ABCB1: variants seen among roughly 807,000 people sequenced by gnomAD.
ABCB1 encodes ATP-dependent translocase ABCB1.
Under a neutral mutation model 142.0 loss-of-function variants are expected in ABCB1, and 69 were observed. That is an observed-to-expected ratio of 0.49 (90% CI 0.40 to 0.59). ABCB1 has a LOEUF of 0.59. ABCB1 is among the 20% of genes least tolerant of loss of function. The pLI is 0.00. For missense variants in ABCB1, 1,326 were observed against 1,554.7 expected (o/e 0.85, Z 2.47); for synonymous variants, 532 against 539.2 (o/e 0.99, Z 0.18).
intron 1 of ABCB1, among the ~76,000 whole-genome samples, chr7:87,691,074 T>G (rs1249060993): frequency 6.6e-6 from 1 of 152,126 alleles, no homozygotes; most frequent in Non-Finnish European, 1.5e-5. Flanking sequence ...AAAACAAAGT[T>G]GGAACATGGC....
upstream of ABCB1, among the ~76,000 whole-genome samples, chr7:87,601,946 A>AT (rs1819471400): frequency 6.6e-6 from 1 of 152,156 alleles, no homozygotes; most frequent in Non-Finnish European, 1.5e-5. Flanking sequence ...TTATCTTGAT[A>AT]TATTTTGTTC....
At chr7:87,522,987 T>C (rs956905232) in intron 21 of ABCB1, among the ~76,000 whole-genome samples, 1 of 152,234 alleles carries the variant, frequency 6.6e-6, no homozygotes, top group Non-Finnish European at 1.5e-5. Context: ...AGGTTTTCAA[T>C]TCCTTTTTTA....
chr7:87,589,578 G>C (rs1486385499), intron 3 of ABCB1, among the ~76,000 whole-genome samples: 2 of 152,032 alleles, frequency 1.3e-5, no homozygotes, highest in African/African-American at 2.4e-5. Flanking sequence ...TTGAGCCCAG[G>C]AGTTTGGTAC....
chr7:87,619,566 C>A (rs1241302665), intron 1 of ABCB1, among the ~76,000 whole-genome samples: 1 of 150,146 alleles, frequency 6.7e-6, no homozygotes, highest in Non-Finnish European at 1.5e-5. Context: ...GTAAACTTGA[C>A]AAATATCTGA....
rs773787434 is a variant in ABCB1, at chr7:87,553,977, CAT to C, written c.828-47_828-46del. 6.0e-5 allele frequency: 93 copies of C among 1,546,632 alleles called. No individual in the cohort carries two copies. In the African/African-American group the frequency reaches 1.1e-3, roughly 19 times the overall value. Reference sequence around the variant, plus strand: ...TGATCACATATACATTTTATGAAAACATGTCGATATAGCATGATAGTTACAGA... The same window carrying C: ...TGATCACATATACATTTTATGAAAACGTCGATATAGCATGATAGTTACAGA... On this transcript the variant is annotated intron_variant, in intron 8 of 27. Transcript: ENST00000622132.
At chr7:87,601,195 T>C (rs909257612), upstream of ABCB1, 6 of 152,140 alleles carry the variant, frequency 3.9e-5, no homozygotes, top group Admixed American at 2.6e-4. Context: ...CTACAGGACG[T>C]AGTTAAGGGA....
intron 2 of ABCB1, among the ~76,000 whole-genome samples, chr7:87,598,670 G>A (rs1415818035): frequency 6.6e-6 from 1 of 152,072 alleles, no homozygotes; most frequent in Non-Finnish European, 1.5e-5. Context: ...CTTTCTTTCA[G>A]TTTCCCTTCT....
intron 1 of ABCB1, among the ~76,000 whole-genome samples, chr7:87,613,212 G>T (rs940635620): frequency 6.9e-6 from 1 of 144,824 alleles, no homozygotes; most frequent in Non-Finnish European, 1.5e-5. Flanking sequence ...TATCATTGAT[G>T]AGATAATTTG....
intron 3 of ABCB1, among the ~76,000 whole-genome samples, chr7:87,588,232 C>G (rs867693722): frequency 2.6e-5 from 4 of 151,434 alleles, no homozygotes; most frequent in Non-Finnish European, 5.9e-5. Context: ...TTGTTACATA[C>G]GTAAACTTGT....
intron 1 of ABCB1, among the ~76,000 whole-genome samples, chr7:87,609,072 A>G (rs2130043540): frequency 6.6e-6 from 1 of 152,328 alleles, no homozygotes; most frequent in Non-Finnish European, 1.5e-5. Context: ...AAGAGTAGGC[A>G]GATAGATAAC....
At chr7:87,687,189 T>C (rs1261065599) in intron 1 of ABCB1, among the ~76,000 whole-genome samples, 1 of 152,156 alleles carries the variant, frequency 6.6e-6, no homozygotes, top group African/African-American at 2.4e-5. Context: ...AGCTAGTTTT[T>C]CCCCCACAAC....
intron 1 of ABCB1, among the ~76,000 whole-genome samples, chr7:87,641,024 T>C (rs532596019): frequency 1.3e-5 from 2 of 152,330 alleles, no homozygotes; most frequent in South Asian, 2.1e-4. Flanking sequence ...TCTACTTTTA[T>C]GGTCTGCTTT....
chr7:87,685,130 A>G (rs186852092), intron 1 of ABCB1, among the ~76,000 whole-genome samples: 2 of 152,328 alleles, frequency 1.3e-5, no homozygotes, highest in East Asian at 3.9e-4. Context: ...TCCCTGAAAG[A>G]CACTGTTAAT....
chr7:87,701,017 C>G (rs989764340), intron 1 of ABCB1, among the ~76,000 whole-genome samples: 2 of 152,158 alleles, frequency 1.3e-5, no homozygotes, highest in Non-Finnish European at 2.9e-5. Context: ...GTGCGGGAAA[C>G]ATTAATTCTT....
At chr7:87,613,257 CTTTTTTTTT>C (rs67823385) in intron 1 of ABCB1, among the ~76,000 whole-genome samples, 9 of 64,200 alleles carry the variant, frequency 1.4e-4, no homozygotes, top group Non-Finnish European at 2.2e-4. Flanking sequence ...TCCTTTATTT[CTTTTTTTTT>C]TTTTTTTTTT....
intron 4 of ABCB1, among the ~76,000 whole-genome samples, chr7:87,577,702 C>T (rs149558540): frequency 1.4e-3 from 206 of 152,254 alleles, no homozygotes; most frequent in African/African-American, 4.6e-3. Context: ...TTTCATATAC[C>T]TGTTTGCCAT....
intron 1 of ABCB1, among the ~76,000 whole-genome samples, chr7:87,675,957 C>T (rs953369785): frequency 8.5e-5 from 13 of 152,192 alleles, no homozygotes; most frequent in Non-Finnish European, 1.5e-5. Flanking sequence ...TGGCTCATAC[C>T]TGTAATCCCA....
chr7:87,677,605 A>G (rs1353378963), intron 1 of ABCB1, among the ~76,000 whole-genome samples: 1 of 152,176 alleles, frequency 6.6e-6, no homozygotes, highest in Non-Finnish European at 1.5e-5. Context: ...TATATTGTGT[A>G]CTTGAAAATT....
intron 1 of ABCB1, among the ~76,000 whole-genome samples, chr7:87,668,895 T>C (rs958649742): frequency 3.3e-5 from 5 of 152,114 alleles, no homozygotes; most frequent in African/African-American, 1.2e-4. Context: ...TTTATTCCAA[T>C]TATTTGGTCA....
Sources: gnomAD v4.1 joint callset for allele counts (sites outside exome capture counted in the v4.1 genomes callset) on GRCh38, gnomAD v4.1.1 for gene constraint, MANE v1.5 for transcripts, NCBI Gene and HGNC (gene_info 2026-07-23, HGNC 2026-07-21) for gene names.